The following GABRR3 variants were observed in gnomAD, a reference collection of about 807,000 sequenced individuals.
The protein encoded by GABRR3 is gamma-aminobutyric acid type A receptor subunit rho3, also known as gamma-aminobutyric acid receptor subunit rho-3.
In GABRR3, 29 loss-of-function variants were observed where a neutral mutation model predicts 43.2. That is an observed-to-expected ratio of 0.67 (90% CI 0.50 to 0.92). The LOEUF (loss-of-function observed/expected upper bound fraction) is 0.92, where lower values mean the gene tolerates loss of function less well. Among genes scored for constraint, GABRR3 ranks in the 40% least tolerant of loss-of-function variants. GABRR3 has a pLI of 0.00. For missense variants in GABRR3, 576 were observed against 572.3 expected (o/e 1.01, Z -0.07); for synonymous variants, 206 against 195.9 (o/e 1.05, Z -0.43).
intron 7 of GABRR3, among the ~76,000 whole-genome samples, chr3:98,005,946 T>C (rs1041336833): frequency 1.3e-5 from 2 of 152,122 alleles, no homozygotes; most frequent in East Asian, 3.8e-4. Context: ...ATTTTAGCAA[T>C]AGTAAAATGA....
intron 9 of GABRR3, among the ~76,000 whole-genome samples, chr3:97,990,787 G>T (rs1291846394): frequency 6.6e-6 from 1 of 152,128 alleles, no homozygotes; most frequent in Non-Finnish European, 1.5e-5. Flanking sequence ...GGCCTGGGGG[G>T]AGGGGAATAT....
chr3:98,030,641 C>T (rs751507752), intron 2 of GABRR3, among the ~76,000 whole-genome samples: 3 of 152,068 alleles, frequency 2.0e-5, no homozygotes, highest in Non-Finnish European at 2.9e-5. Flanking sequence ...ATTGAACTTG[C>T]CATTTATAAT....
At chr3:98,027,462 A>G (rs1443794072) in intron 2 of GABRR3, among the ~76,000 whole-genome samples, 1 of 152,268 alleles carries the variant, frequency 6.6e-6, no homozygotes, top group Non-Finnish European at 1.5e-5. Context: ...ATACAGCTAA[A>G]TGGCATGTCA....
At position 98,010,542 on chromosome 3, in the gene GABRR3, G is replaced by A. The variant is rs540812481; in HGVS notation, c.531-1504C>T. On this transcript the variant is annotated intron_variant, in intron 5 of 9. Coordinates refer to ENST00000621172, the Ensembl canonical transcript of GABRR3. ...GCAGAAACCATCTGGCTTGGCCCCC[G>A]GACCCAAAGTAAACAAAGATACTCT... Among the ~76,000 whole-genome samples the A allele has an allele frequency of 3.3e-5, 5 of 152,052 alleles. No individual in the cohort carries two copies. In the South Asian group the frequency reaches 8.3e-4, roughly 25 times the overall value.
intron 3 of GABRR3, among the ~76,000 whole-genome samples, chr3:98,023,179 CTA>C (rs1361210050): frequency 6.6e-6 from 1 of 152,164 alleles, no homozygotes; most frequent in Non-Finnish European, 1.5e-5. Flanking sequence ...CAAAGCCTCT[CTA>C]GACCGCACTT....
At chr3:97,995,167 G>A (rs184074361) in intron 8 of GABRR3, among the ~76,000 whole-genome samples, 1 of 152,074 alleles carries the variant, frequency 6.6e-6, no homozygotes, top group Admixed American at 6.5e-5. Context: ...AGTAGAGAGG[G>A]GGTTTCTCCA....
At chr3:98,021,537 C>A (rs1006893415) in intron 3 of GABRR3, among the ~76,000 whole-genome samples, 3 of 152,124 alleles carry the variant, frequency 2.0e-5, no homozygotes, top group Non-Finnish European at 2.9e-5. Flanking sequence ...GGAAGCTTGT[C>A]AAGTCCTTAG....
intron 2 of GABRR3, among the ~76,000 whole-genome samples, chr3:98,032,617 T>G (rs1371876886): frequency 6.6e-6 from 1 of 152,234 alleles, no homozygotes; most frequent in East Asian, 1.9e-4. Flanking sequence ...CTCCCTACTT[T>G]GTTTTTAGGA....
At chr3:98,030,178 G>A (rs986235737) in intron 2 of GABRR3, among the ~76,000 whole-genome samples, 3 of 151,102 alleles carry the variant, frequency 2.0e-5, no homozygotes, top group African/African-American at 7.3e-5. Context: ...ATAAATATTG[G>A]TAAACTCCCC....
chr3:98,017,831 AG>A, intron 3 of GABRR3, 109 bp from the exon 4 acceptor site: 1 of 723,734 alleles, frequency 1.4e-6, no homozygotes, highest in Non-Finnish European at 2.2e-6. Flanking sequence ...TTACTGTTAA[AG>A]TTTTTTTAAA....
intron 7 of GABRR3, among the ~76,000 whole-genome samples, chr3:98,006,985 T>C (rs998606271): frequency 6.6e-6 from 1 of 152,192 alleles, no homozygotes; most frequent in African/African-American, 2.4e-5. Flanking sequence ...CTGATTTTTA[T>C]TGAGCATCTG....
At chr3:97,991,929 T>TATGTATACATATATAC (rs1322275501) in intron 9 of GABRR3, among the ~76,000 whole-genome samples, 8 of 152,214 alleles carry the variant, frequency 5.3e-5, no homozygotes, top group African/African-American at 1.9e-4. Context: ...ATGGGATGTA[T>TATGTATACATATATAC]ATGTATACAT....
intron 2 of GABRR3, 82 bp downstream of exon 2, chr3:98,034,781 T>C (rs1707130331): frequency 6.5e-7 from 1 of 1,526,996 alleles, no homozygotes; most frequent in African/African-American, 1.4e-5. Context: ...TAAAGATACG[T>C]TTCCAGGTTT....
intron 2 of GABRR3, among the ~76,000 whole-genome samples, chr3:98,029,150 G>T (rs562500655): frequency 6.6e-5 from 10 of 152,136 alleles, no homozygotes; most frequent in African/African-American, 2.4e-4. Flanking sequence ...ATCTCAATTC[G>T]TGGGAGAGCC....
At chr3:98,026,591 A>G (rs114068323) in intron 2 of GABRR3, among the ~76,000 whole-genome samples, 1,213 of 73,958 alleles carry the variant, frequency 0.016, 10 homozygotes, top group African/African-American at 0.077. Context: ...TCCTTCCAGA[A>G]AAAGGTGGCT....
intron 2 of GABRR3, among the ~76,000 whole-genome samples, chr3:98,029,003 G>A (rs1460895967): frequency 2.0e-5 from 3 of 151,908 alleles, no homozygotes; most frequent in Non-Finnish European, 4.4e-5. Context: ...ATCCCTTTGT[G>A]TCTTCTCCCC....
intron 9 of GABRR3, among the ~76,000 whole-genome samples, chr3:97,992,261 T>G (rs961300349): frequency 3.3e-5 from 5 of 152,174 alleles, no homozygotes; most frequent in South Asian, 4.1e-4. Context: ...GATATATAAA[T>G]GCTGGCTCTC....
At chr3:97,986,566 G>A (rs943254886), downstream of GABRR3, 3 of 672,954 alleles carry the variant, frequency 4.5e-6, no homozygotes, top group Non-Finnish European at 7.3e-6. Context: ...TTTTCATTAG[G>A]GCAGGAGAGG....
intron 4 of GABRR3, among the ~76,000 whole-genome samples, chr3:98,017,431 C>G (rs966551793): frequency 2.6e-5 from 4 of 151,996 alleles, no homozygotes; most frequent in Middle Eastern, 3.4e-3. Flanking sequence ...CACTAGAAAT[C>G]CATTAGAAGG....
Sources: allele counts gnomAD v4.1 joint callset (sites outside exome capture counted in the v4.1 genomes callset), GRCh38; gene constraint gnomAD v4.1.1; transcripts MANE v1.5; gene names NCBI Gene and HGNC (gene_info 2026-07-23, HGNC 2026-07-21).